Variants in CNTNAP2 observed in about 807,000 individuals in gnomAD.
CNTNAP2 encodes contactin-associated protein-like 2.
CNTNAP2 carries 98 observed loss-of-function variants against 155.2 expected under a neutral mutation model. The observed-to-expected ratio is 0.63, with a 90% CI of 0.54 to 0.75. The LOEUF (loss-of-function observed/expected upper bound fraction) is 0.75, where lower values mean the gene tolerates loss of function less well. Ranked by LOEUF, CNTNAP2 falls within the 30% of genes least tolerant of loss-of-function variation. The pLI is 0.00. For synonymous variants in CNTNAP2, 651 were observed against 631.2 expected (o/e 1.03, Z -0.47); for missense variants, 1,727 against 1,688.1 (o/e 1.02, Z -0.40).
In CNTNAP2 at chr7:146,956,972, A is replaced by G. The variant is rs947254869; in HGVS notation, c.403-86935A>G. ...CATTTAGTGACAGGGATACCTTTTGAGAACTGCGTCCTTAGGAGATTTCTC... is the reference window on the plus strand; with the variant it reads ...CATTTAGTGACAGGGATACCTTTTGGGAACTGCGTCCTTAGGAGATTTCTC... On this transcript the variant is annotated intron_variant, in intron 3 of 23. Coordinates refer to ENST00000361727, the MANE Select transcript of CNTNAP2 (RefSeq NM_014141.6). 5.3e-5 allele frequency among the ~76,000 whole-genome samples: 8 copies of G among 152,184 alleles called. 1 individual carries two copies. Among genetic ancestry groups the G allele is most frequent in the Admixed American group, 5.2e-4 (8 of 15,286 alleles).
chr7:147,253,889 A>C (rs1268045913), intron 8 of CNTNAP2, among the ~76,000 whole-genome samples: 1 of 152,162 alleles, frequency 6.6e-6, no homozygotes, highest in Non-Finnish European at 1.5e-5. Flanking sequence ...GCAACTCTTA[A>C]TCTTCTATGG....
At chr7:148,168,073 A>C (rs1307908647) in intron 17 of CNTNAP2, among the ~76,000 whole-genome samples, 19 of 152,148 alleles carry the variant, frequency 1.2e-4, no homozygotes, top group Admixed American at 1.2e-3. Flanking sequence ...CAGGTGCTGG[A>C]GAGGATGTGG....
At chr7:147,215,950 C>T (rs1428961342) in intron 8 of CNTNAP2, among the ~76,000 whole-genome samples, 1 of 152,048 alleles carries the variant, frequency 6.6e-6, no homozygotes, top group East Asian at 1.9e-4. Context: ...TGATGTAGAA[C>T]ATCTTTTTAT....
intron 1 of CNTNAP2, among the ~76,000 whole-genome samples, chr7:146,281,923 G>A (rs1800258419): frequency 6.6e-6 from 1 of 152,120 alleles, no homozygotes; most frequent in Non-Finnish European, 1.5e-5. Context: ...AGTGGCTGGT[G>A]AATTAATAAA....
At chr7:146,815,646 C>T (rs1450508000) in intron 2 of CNTNAP2, among the ~76,000 whole-genome samples, 2 of 152,058 alleles carry the variant, frequency 1.3e-5, no homozygotes, top group Non-Finnish European at 2.9e-5. Flanking sequence ...AAATTGAGTA[C>T]TTAGTAAATA....
chr7:147,676,884 C>T (rs1795876695), intron 13 of CNTNAP2, among the ~76,000 whole-genome samples: 1 of 151,904 alleles, frequency 6.6e-6, no homozygotes, highest in African/African-American at 2.4e-5. Flanking sequence ...ACTGTGTATA[C>T]ATACAGCATT....
chr7:146,698,004 A>G (rs1026182563), intron 1 of CNTNAP2, among the ~76,000 whole-genome samples: 3 of 152,130 alleles, frequency 2.0e-5, no homozygotes, highest in African/African-American at 7.2e-5. Context: ...ATACATTTGC[A>G]ATATACATTT....
intron 15 of CNTNAP2, among the ~76,000 whole-genome samples, chr7:148,111,593 TAA>T (rs1034984380): frequency 1.3e-5 from 2 of 151,986 alleles, no homozygotes; most frequent in Non-Finnish European, 2.9e-5. Context: ...GAGAAATTAT[TAA>T]AGTCTCAGAC....
intron 8 of CNTNAP2, among the ~76,000 whole-genome samples, chr7:147,276,224 A>ATT (rs34167627): frequency 6.8e-5 from 10 of 148,012 alleles, no homozygotes; most frequent in African/African-American, 2.0e-4. Flanking sequence ...CTCCTCCTTA[A>ATT]TTTTTTTTTT....
intron 3 of CNTNAP2, among the ~76,000 whole-genome samples, chr7:147,006,471 G>A (rs560402657): frequency 1.3e-5 from 2 of 151,886 alleles, no homozygotes; most frequent in Non-Finnish European, 2.9e-5. Flanking sequence ...TTCCTCAGGG[G>A]CCTTTAGCTC....
chr7:147,717,336 C>T (rs1167955246), intron 13 of CNTNAP2, among the ~76,000 whole-genome samples: 1 of 152,094 alleles, frequency 6.6e-6, no homozygotes, highest in Non-Finnish European at 1.5e-5. Context: ...ACACGGCCAA[C>T]ACTAATAATT....
chr7:146,455,053 G>T (rs539319217), intron 1 of CNTNAP2, among the ~76,000 whole-genome samples: 30 of 152,118 alleles, frequency 2.0e-4, no homozygotes, highest in Non-Finnish European at 3.4e-4. Context: ...ACCATCTGGA[G>T]ACTGCTCGGG....
intron 1 of CNTNAP2, among the ~76,000 whole-genome samples, chr7:146,443,230 T>TAATAAATAATAAATAAATA (rs1554434108): frequency 7.4e-5 from 11 of 147,772 alleles, no homozygotes; most frequent in African/African-American, 2.8e-4. Context: ...AATAAATAAA[T>TAATAAATAATAAATAAATA]AATAAATAAA....
intron 3 of CNTNAP2, among the ~76,000 whole-genome samples, chr7:146,891,224 A>G (rs1485157450): frequency 6.6e-6 from 1 of 152,138 alleles, no homozygotes; most frequent in African/African-American, 2.4e-5. Flanking sequence ...GAAGGGAATA[A>G]TAGCTAGACA....
chr7:147,643,216 T>C lies in CNTNAP2; in HGVS notation c.2098+3910T>C, dbSNP rs138774389. 9.6e-3 allele frequency among the ~76,000 whole-genome samples: 1,462 copies of C among 152,340 alleles called. 17 individuals are homozygous for C. Among genetic ancestry groups the C allele is most frequent in the African/African-American group, 0.031 (1,301 of 41,560 alleles). ...GAAGATTAAAGGGAATATTAGGGCT[T>C]GTCTGACCCATTGAAATAAAATGGC... is the stretch of plus-strand genomic sequence containing the variant. On this transcript the variant is annotated intron_variant, in intron 13 of 23. Coordinates refer to ENST00000361727, the MANE Select transcript of CNTNAP2 (RefSeq NM_014141.6).
intron 10 of CNTNAP2, among the ~76,000 whole-genome samples, chr7:147,479,401 G>A (rs1430542179): frequency 6.6e-6 from 1 of 152,144 alleles, no homozygotes; most frequent in Non-Finnish European, 1.5e-5. Flanking sequence ...TTGTTTTAGA[G>A]TGTCTTATGT....
intron 11 of CNTNAP2, among the ~76,000 whole-genome samples, chr7:147,518,881 A>C (rs1158125817): frequency 2.0e-5 from 3 of 152,008 alleles, no homozygotes; most frequent in Non-Finnish European, 4.4e-5. Context: ...AAATACAAAA[A>C]TTAGCAGGGA....
chr7:147,907,144 C>T (rs1799970640), intron 14 of CNTNAP2, among the ~76,000 whole-genome samples: 1 of 152,030 alleles, frequency 6.6e-6, no homozygotes, highest in African/African-American at 2.4e-5. Flanking sequence ...GCAAGCTCTG[C>T]CTCCCGGGTT....
At chr7:147,192,199 T>C (rs995339070) in intron 8 of CNTNAP2, among the ~76,000 whole-genome samples, 6 of 152,196 alleles carry the variant, frequency 3.9e-5, no homozygotes, top group African/African-American at 1.4e-4. Flanking sequence ...CTATTCAAGC[T>C]GTTACAGCTT....
Sources: gnomAD v4.1 joint callset for allele counts (sites outside exome capture counted in the v4.1 genomes callset) on GRCh38, gnomAD v4.1.1 for gene constraint, MANE v1.5 for transcripts, NCBI Gene and HGNC (gene_info 2026-07-23, HGNC 2026-07-21) for gene names.